The following COL1A1 variants were observed in gnomAD, a reference collection of about 807,000 sequenced individuals.
COL1A1 encodes collagen type I alpha 1 chain, also known as collagen alpha-1(I) chain.
A neutral mutation model predicts 195.7 loss-of-function variants in COL1A1; 21 were observed. The ratio of observed to expected loss-of-function variants is 0.11; its 90% CI spans 0.08 to 0.15. The LOEUF (loss-of-function observed/expected upper bound fraction) is 0.15, where lower values mean the gene tolerates loss of function less well. Among genes scored for constraint, COL1A1 ranks in the 10% least tolerant of loss-of-function variants. The pLI, the probability that COL1A1 is intolerant of heterozygous loss-of-function variation, is 1.00. For synonymous variants in COL1A1, 749 were observed against 747.3 expected (o/e 1.00, Z -0.04); for missense variants, 1,365 against 2,051.0 (o/e 0.67, Z 6.46).
In COL1A1 at chr17:50,188,086, G is replaced by C. The variant is rs752779091; in HGVS notation, c.3261+10C>G. ...TTCTAAAGGCATGGGGGACACAGCA[G>C]GGTACTTACGGCGGGGCCACGGGCG... is the stretch of plus-strand genomic sequence containing the variant. On this transcript the variant is annotated intron_variant, in intron 44 of 50. Coordinates refer to ENST00000225964, the MANE Select transcript of COL1A1 (RefSeq NM_000088.4). The surrounding 1 kb of genome is among the most constrained non-coding windows in gnomAD (Gnocchi z 5.6). 27 of 1,610,818 alleles carry C rather than the reference G, an allele frequency of 1.7e-5. No individual in the cohort carries two copies. Among genetic ancestry groups the C allele is most frequent in the Admixed American group, 3.4e-5 (2 of 59,528 alleles).
Position 50,189,948 on chromosome 17 carries a change from G to A in COL1A1, c.2560-36C>T, listed in dbSNP as rs371219982. On this transcript the variant is annotated intron_variant, in intron 36 of 50. Transcript: ENST00000225964. The surrounding 1 kb of genome is among the most constrained non-coding windows in gnomAD (Gnocchi z 5.5). ...GCACAGAGGCATCAAGCCTGGACCC[G>A]TCCTGGGTCCCAGCCCACCAGCCTC... is the stretch of plus-strand genomic sequence containing the variant. 121 of 1,610,882 alleles carry A rather than the reference G, an allele frequency of 7.5e-5. No homozygotes were observed. The highest frequency in any genetic ancestry group is 9.7e-5 in the Non-Finnish European group (114 of 1,178,442).
chr17:50,194,657 G>T lies in COL1A1; in HGVS notation c.1462-31C>A. ...GGAGGAGAGGAGGCCAGTGAACTCC[G>T]CGACACACAGGCACCAGCCAGGCAA... On this transcript the variant is annotated intron_variant, in intron 21 of 50. Coordinates refer to ENST00000225964, the MANE Select transcript of COL1A1 (RefSeq NM_000088.4). The surrounding 1 kb of genome is among the most constrained non-coding windows in gnomAD (Gnocchi z 6.8). 6.4e-7 allele frequency: 1 copy of T among 1,557,306 alleles called. No homozygotes were observed. The highest frequency in any genetic ancestry group is 8.7e-7 in the Non-Finnish European group (1 of 1,150,138).
intron 31 of COL1A1, 56 bp downstream of exon 31, chr17:50,191,732 G>C: frequency 6.6e-7 from 1 of 1,526,044 alleles, no homozygotes; most frequent in Non-Finnish European, 8.9e-7. Context: ...TGCTGCAGGA[G>C]GGGTGAGACC....
Position 50,195,943 on chromosome 17 carries a change from G to A in COL1A1, c.1036C>T (p.Pro346Ser), listed in dbSNP as rs781291565. ...CTCACCTTAGCACCAACAGCACCAG[G>A]GAAGCCAGGAGGACCAGCGGGGCCG... Reference protein sequence around the residue: ...PTGPAGPPGFPGAVGAKGEAG... With the variant: ...PTGPAGPPGFSGAVGAKGEAG... The change falls in exon 16 of 51, where the codon CCT becomes TCT. Residue 346 changes from proline (P) to serine (S), a missense_variant. Pro to Ser is a moderately conservative substitution (Grantham distance 74). Coordinates refer to ENST00000225964, the MANE Select transcript of COL1A1 (RefSeq NM_000088.4). This position sits in a 1 kb window ranked among gnomAD's most constrained non-coding sequence, Gnocchi z 4.3. The A allele has an allele frequency of 1.9e-6, 3 of 1,591,532 alleles. No homozygotes were observed. Among genetic ancestry groups the A allele is most frequent in the Admixed American group, 1.8e-5 (1 of 56,164 alleles).
At chr17:50,198,638 T>C in intron 5 of COL1A1, 134 bp from the exon 6 acceptor site, 1 of 631,946 alleles carries the variant, frequency 1.6e-6, no homozygotes, top group Non-Finnish European at 2.6e-6. Flanking sequence ...TTTTAAGACA[T>C]TCCTGCAAAG....
rs763113644 is a variant in COL1A1, at chr17:50,190,645, T to C, written c.2344-49A>G. On this transcript the variant is annotated intron_variant, in intron 33 of 50. Coordinates refer to ENST00000225964, the MANE Select transcript of COL1A1 (RefSeq NM_000088.4). This position sits in a 1 kb window ranked among gnomAD's most constrained non-coding sequence, Gnocchi z 4.7. The stretch of plus-strand genomic sequence containing the variant: ...CAGGGTCAGGGCCTCCCCTGAATAC[T>C]CCTAGTAGATGACCCCAGGAGAGCC... The C allele has an allele frequency of 5.6e-6, 9 of 1,594,334 alleles. No homozygotes were observed. In the South Asian group the frequency reaches 1.0e-4, roughly 18 times the overall value.
rs73987448 is a variant in COL1A1 at position 50,197,924 on chromosome 17, A to G, written c.642+25T>C. 32,176 of 1,612,702 alleles carry G rather than the reference A, an allele frequency of 0.02. 1,009 individuals carry two copies. Among genetic ancestry groups the G allele is most frequent in the African/African-American group, 0.14 (10,814 of 74,876 alleles). ...GAGTCTGTGTGTTTGTAGAAGGAGT[A>G]TGAATCTGTATAGAGAGTGCTTACT... On this transcript the variant is annotated intron_variant, in intron 8 of 50. Coordinates refer to ENST00000225964, the MANE Select transcript of COL1A1 (RefSeq NM_000088.4).
intron 25 of COL1A1, chr17:50,193,376 C>T (rs905050152): frequency 1.7e-5 from 8 of 464,760 alleles, no homozygotes; most frequent in African/African-American, 3.9e-5. Context: ...AAGGCCTGTC[C>T]TATCCCCACG....
rs138078016 is a variant in COL1A1, at chr17:50,197,979, G to A, written c.612C>T (p.Pro204=). Reference sequence around the variant, plus strand: ...CTCCAGGCTCGCCAGGCTCACCAGGGGGACCTTGGAAGCCTTGGGGACCCT... The same window carrying A: ...CTCCAGGCTCGCCAGGCTCACCAGGAGGACCTTGGAAGCCTTGGGGACCCT... ...GAPGPQGFQG[P]PGEPGEPGAS... The change falls in exon 8 of 51, where the codon CCC becomes CCT. Residue 204 remains proline, a synonymous_variant. Transcript: ENST00000225964. The A allele has an allele frequency of 8.0e-4, 1,294 of 1,614,056 alleles. 11 individuals carry two copies. The African/African-American group carries it at 0.015, about 19-fold the overall frequency.
Position 50,190,767 on chromosome 17 carries a change from G to A in COL1A1, c.2343+50C>T, listed in dbSNP as rs766633590. 1.3e-6 allele frequency: 2 copies of A among 1,550,882 alleles called. No individual in the cohort carries two copies. The highest frequency in any genetic ancestry group is 8.9e-7 in the Non-Finnish European group (1 of 1,123,098). On this transcript the variant is annotated intron_variant, in intron 33 of 50. Coordinates refer to ENST00000225964, the MANE Select transcript of COL1A1 (RefSeq NM_000088.4). This position sits in a 1 kb window ranked among gnomAD's most constrained non-coding sequence, Gnocchi z 4.7. ...ACCCCACGGAACCGTGCCCAGGCCTGCTGAGGAGGCTATGTGTTAGGGCAG... is the reference window on the plus strand; with the variant it reads ...ACCCCACGGAACCGTGCCCAGGCCTACTGAGGAGGCTATGTGTTAGGGCAG...
At position 50,194,073 on chromosome 17, in the gene COL1A1, G is replaced by C; in HGVS notation, c.1669-32C>G. 1 of 1,610,526 alleles carries C rather than the reference G, an allele frequency of 6.2e-7. No homozygotes were observed. Among genetic ancestry groups the C allele is most frequent in the Non-Finnish European group, 8.5e-7 (1 of 1,176,782 alleles). On this transcript the variant is annotated intron_variant, in intron 24 of 50. Transcript: ENST00000225964. This position sits in a 1 kb window ranked among gnomAD's most constrained non-coding sequence, Gnocchi z 6.8. ...ATGGGAGGCACGAAAGCAGCAGTGA[G>C]GACAGCAGGGAGGCAGACAGGACAA... is the stretch of plus-strand genomic sequence containing the variant.
chr17:50,185,712 T>A, intron 50 of COL1A1, 64 bp from the exon 51 acceptor site: 1 of 1,611,726 alleles, frequency 6.2e-7, no homozygotes, highest in Non-Finnish European at 8.5e-7. Context: ...GAGAGGGCAC[T>A]ATGGCCTGGC....
chr17:50,187,455 A>G (rs1463247135), intron 46 of COL1A1, 29 bp downstream of exon 46: 1 of 1,613,308 alleles, frequency 6.2e-7, no homozygotes, highest in Admixed American at 1.7e-5. Flanking sequence ...CTTGGGGCTC[A>G]GGAAGAGGAG....
rs779767483 is a variant in COL1A1, at chr17:50,186,919, G to A, written c.3535C>T (p.Pro1179Ser). 1.2e-5 allele frequency: 19 copies of A among 1,613,782 alleles called. No individual in the cohort carries two copies. The highest frequency in any genetic ancestry group is 2.2e-5 in the South Asian group (2 of 91,082). ...CCAGGAGGTCCAGGAGGGCCGGGGG[G>A]ACCCTGCACAGAGAGGGAAGAGAGT... ...GRTGDAGPVG[P>S]PGPPGPPGPP... is the part of the protein sequence containing the mutation. The change falls in exon 48 of 51, where the codon CCC becomes TCC. Residue 1179 changes from proline to serine, a missense_variant. By Grantham distance (74) the Pro-to-Ser change is moderately conservative. This residue lies in a region of COL1A1 where 671 missense variants were observed against 1,099.9 expected (regional missense o/e 0.61). Transcript: ENST00000225964. The surrounding 1 kb of genome is among the most constrained non-coding windows in gnomAD (Gnocchi z 5.3).
Position 50,189,470 on chromosome 17 carries a change from C to T in COL1A1, c.2736G>A (p.Glu912=), listed in dbSNP as rs1906871909. 6.2e-7 allele frequency: 1 copy of T among 1,613,264 alleles called. No homozygotes were observed. Among genetic ancestry groups the T allele is most frequent in the Non-Finnish European group, 8.5e-7 (1 of 1,179,752 alleles). Residue 912 remains glutamate (E), a synonymous_variant, in exon 39 of 51, where the codon GAG becomes GAA. Transcript: ENST00000225964. The surrounding 1 kb of genome is among the most constrained non-coding windows in gnomAD (Gnocchi z 5.5). ...CACCAGGACGTCCAGCAGGGCCAGT[C>T]TCACCACGGGGACCTTTGCCGCCTT... ...GKEGGKGPRG[E]TGPAGRPGEV...
At chr17:50,187,164 C>A in intron 46 of COL1A1, 42 bp from the exon 47 acceptor site, 1 of 1,484,340 alleles carries the variant, frequency 6.7e-7, no homozygotes, top group Non-Finnish European at 9.2e-7. Flanking sequence ...GCCAGAAGCC[C>A]GAACAACCCC....
chr17:50,189,814 C>T lies in COL1A1; in HGVS notation c.2613+45G>A. On this transcript the variant is annotated intron_variant, in intron 37 of 50. Transcript: ENST00000225964. The surrounding 1 kb of genome is among the most constrained non-coding windows in gnomAD (Gnocchi z 5.5). ...AGCTGCCCTCACCTGCCACCGCTGC[C>T]TGGGGAGAGGGGAGAGGCTCAACAG... 2 of 1,612,510 alleles carry T rather than the reference C, an allele frequency of 1.2e-6. No homozygotes were observed. Among genetic ancestry groups the T allele is most frequent in the Non-Finnish European group, 1.7e-6 (2 of 1,179,142 alleles).
At chr17:50,191,170 C>T (rs1346066307) in intron 32 of COL1A1, among the ~76,000 whole-genome samples, 1 of 152,092 alleles carries the variant, frequency 6.6e-6, no homozygotes, top group Non-Finnish European at 1.5e-5. Flanking sequence ...GAGATGCCCC[C>T]ACCTCTCATC....
At chr17:50,196,826 A>G (rs958683002) in intron 11 of COL1A1, among the ~76,000 whole-genome samples, 156 bp from the exon 12 acceptor site, 2 of 152,044 alleles carry the variant, frequency 1.3e-5, no homozygotes, top group East Asian at 1.9e-4. Flanking sequence ...ATCTCACCCA[A>G]TCGTTTAATC....
Sources: gnomAD v4.1 joint callset for allele counts (sites outside exome capture counted in the v4.1 genomes callset) on GRCh38, gnomAD v4.1.1 for gene constraint, gnomAD v4.1.1 regional missense constraint, Gnocchi (gnomAD v3.1) non-coding constraint, MANE v1.5 for transcripts, NCBI Gene and HGNC (gene_info 2026-07-23, HGNC 2026-07-21) for gene names.